TRIP13: variants seen among roughly 807,000 people sequenced by gnomAD.
The protein encoded by TRIP13 is thyroid hormone receptor interactor 13, also known as pachytene checkpoint protein 2 homolog.
Under a neutral mutation model 54.4 loss-of-function variants are expected in TRIP13, and 25 were observed. That is an observed-to-expected ratio of 0.46 (90% CI 0.33 to 0.64). The LOEUF is 0.64. TRIP13 is among the 30% of genes least tolerant of loss of function. TRIP13 has a pLI of 0.02. For missense variants in TRIP13, 373 were observed against 534.2 expected (o/e 0.70, Z 2.97); for synonymous variants, 207 against 207.8 (o/e 1.00, Z 0.03).
intron 1 of TRIP13, among the ~76,000 whole-genome samples, chr5:893,297 G>A (rs1334620551): frequency 6.6e-6 from 1 of 151,960 alleles, no homozygotes; most frequent in Non-Finnish European, 1.5e-5. Flanking sequence ...GCACTGACCC[G>A]GCCGACCCGA....
chr5:914,120 G>T (rs764671787), intron 10 of TRIP13, among the ~76,000 whole-genome samples: 2 of 152,168 alleles, frequency 1.3e-5, no homozygotes, highest in Non-Finnish European at 2.9e-5. Flanking sequence ...GTCTCCGAAG[G>T]TGGCATAACA....
At chr5:904,268 T>C in intron 6 of TRIP13, 48 bp downstream of exon 6, 1 of 1,488,356 alleles carries the variant, frequency 6.7e-7, no homozygotes, top group Non-Finnish European at 9.1e-7. Context: ...ATGGGATTTA[T>C]AACGGGAGGT....
Position 893,977 on chromosome 5 carries a change from G to A in TRIP13, c.93-810G>A, listed in dbSNP as rs185194076. ...TACAACCACACCTGGGCCCAGAGAC[G>A]CTAGGCATAATCACACCAGAGCACA... On this transcript the variant is annotated intron_variant, in intron 1 of 12. Transcript: ENST00000166345. 9.2e-5 allele frequency among the ~76,000 whole-genome samples: 14 copies of A among 152,244 alleles called. No individual in the cohort carries two copies. In the East Asian group the frequency reaches 2.3e-3, roughly 25 times the overall value.
At position 918,118 on chromosome 5, in the gene TRIP13, T is replaced by A. The variant is rs1408658188; in HGVS notation, c.*1015T>A. The A allele has an allele frequency of 6.6e-6, 1 of 152,226 alleles. No homozygotes were observed. Among genetic ancestry groups the A allele is most frequent in the Non-Finnish European group, 1.5e-5 (1 of 68,030 alleles). The allele number at this position is 152,226 out of a possible 1,614,324, so 9.4% of individuals were successfully genotyped here. On this transcript the variant is annotated 3_prime_UTR_variant, in exon 13 of 13. Coordinates refer to ENST00000166345, the MANE Select transcript of TRIP13 (RefSeq NM_004237.4). The surrounding 1 kb of genome is among the most constrained non-coding windows in gnomAD (Gnocchi z 4.3). ...ACTAAAAATTACTCACATGATTACT[T>A]AACTTTAAGCCTGATTTATGGTGTG...
chr5:900,642 GA>G (rs1404428410), intron 4 of TRIP13, 93 bp downstream of exon 4: 1 of 1,425,224 alleles, frequency 7.0e-7, no homozygotes, highest in African/African-American at 1.4e-5. Context: ...ACTTGATGCA[GA>G]TGGGTTTTTG....
chr5:895,047 A>G, intron 2 of TRIP13, 95 bp downstream of exon 2: 1 of 1,360,046 alleles, frequency 7.4e-7, no homozygotes, highest in Non-Finnish European at 9.9e-7. Flanking sequence ...GTTGTCAGAA[A>G]CAGGTTCACT....
At chr5:893,551 G>C (rs1753765218) in intron 1 of TRIP13, 2 of 190,150 alleles carry the variant, frequency 1.1e-5, no homozygotes. Context: ...TCACGGACTC[G>C]ATGTTAAATT....
Position 912,152 on chromosome 5 carries a change from G to T in TRIP13, c.1020+156G>T, listed in dbSNP as rs1754246836. On this transcript the variant is annotated intron_variant, in intron 10 of 12. Coordinates refer to ENST00000166345, the MANE Select transcript of TRIP13 (RefSeq NM_004237.4). This position sits in a 1 kb window ranked among gnomAD's most constrained non-coding sequence, Gnocchi z 7.2. The stretch of plus-strand genomic sequence containing the variant: ...TGAAAACTAGTTTTGTATGTGACAG[G>T]TTGAGCTGATAGTTGAAACTAGGGC... 6.6e-6 allele frequency among the ~76,000 whole-genome samples: 1 copy of T among 152,112 alleles called. No homozygotes were observed. Among genetic ancestry groups the T allele is most frequent in the Non-Finnish European group, 1.5e-5 (1 of 68,018 alleles).
rs138216752 is a variant in TRIP13, at chr5:914,557, T to G, written c.1113T>G (p.Leu371=). 4.3e-6 allele frequency: 7 copies of G among 1,613,224 alleles called. No individual in the cohort carries two copies. The highest frequency in any genetic ancestry group is 5.9e-6 in the Non-Finnish European group (7 of 1,179,690). Residue 371 remains leucine, a synonymous_variant, in exon 11 of 13, where the codon CTT becomes CTG. Coordinates refer to ENST00000166345, the MANE Select transcript of TRIP13 (RefSeq NM_004237.4). ...FIENNVSKLS[L]LLNDISRKSE... ...AAAACAACGTGTCAAAATTGAGCCTTCTTTTGAATGACATTTCAAGGTGCA... is the reference window on the plus strand; with the variant it reads ...AAAACAACGTGTCAAAATTGAGCCTGCTTTTGAATGACATTTCAAGGTGCA...
intron 1 of TRIP13, chr5:893,778 A>G (rs1236703507): frequency 6.5e-6 from 1 of 154,690 alleles, no homozygotes; most frequent in East Asian, 1.9e-4. Flanking sequence ...TTAACAGAAT[A>G]GCTGTTGACT....
chr5:900,661 C>T lies in TRIP13; in HGVS notation c.444+112C>T, dbSNP rs559800062. On this transcript the variant is annotated intron_variant, in intron 4 of 12. Transcript: ENST00000166345. ...GATGCAGATGGGTTTTTGGGAGCCC[C>T]TGTCTGCTGGCAGCCCTTGTCCTGG... 5.4e-6 allele frequency: 6 copies of T among 1,117,846 alleles called. No homozygotes were observed. In the Admixed American group the frequency reaches 1.0e-4, roughly 19 times the overall value. 69.2% of individuals were successfully genotyped at this position (1,117,846 alleles called of 1,614,324 possible).
At chr5:903,896 T>TG (rs1334319736) in intron 5 of TRIP13, among the ~76,000 whole-genome samples, 1 of 152,026 alleles carries the variant, frequency 6.6e-6, no homozygotes, top group Non-Finnish European at 1.5e-5. Flanking sequence ...GGAGCAGTGC[T>TG]GGGGGTGGGG....
In TRIP13 at chr5:894,961, C is replaced by T; in HGVS notation, c.258+9C>T. On this transcript the variant is annotated intron_variant, in intron 2 of 12. Transcript: ENST00000166345. Reference sequence around the variant, plus strand: ...AGGTTAAAGACTCACAGGTAAGTTACTAATTTGCTGGGCCAAGGAACAGTT... The same window carrying T: ...AGGTTAAAGACTCACAGGTAAGTTATTAATTTGCTGGGCCAAGGAACAGTT... 3 of 1,597,092 alleles carry T rather than the reference C, an allele frequency of 1.9e-6. No individual in the cohort carries two copies. The highest frequency in any genetic ancestry group is 2.6e-6 in the Non-Finnish European group (3 of 1,173,432).
intron 12 of TRIP13, 131 bp downstream of exon 12, chr5:916,104 C>T (rs1754335470): frequency 5.2e-6 from 5 of 964,144 alleles, no homozygotes; most frequent in South Asian, 2.9e-5. Context: ...GTCCTGGGGC[C>T]GGAGGAGGAG....
In TRIP13 at chr5:901,437, T is replaced by G; in HGVS notation, c.535+6T>G. ...CCGGGTGGTGCTGCTCCACGGTAAA[T>G]TATGCAGGCTTTTATTTGACCAGAT... On this transcript the variant is annotated splice_donor_region_variant and intron_variant, in intron 5 of 12. Transcript: ENST00000166345. 6.2e-7 allele frequency: 1 copy of G among 1,613,346 alleles called. No individual in the cohort carries two copies. The highest frequency in any genetic ancestry group is 2.2e-5 in the East Asian group (1 of 44,882).
At chr5:916,387 TCCC>T (rs1754341508) in intron 12 of TRIP13, among the ~76,000 whole-genome samples, 2 of 152,172 alleles carry the variant, frequency 1.3e-5, no homozygotes, top group South Asian at 4.1e-4. Flanking sequence ...CACTCACCCC[TCCC>T]CTGCACTGTC....
chr5:894,467 G>A (rs886189764), intron 1 of TRIP13, among the ~76,000 whole-genome samples: 1 of 152,190 alleles, frequency 6.6e-6, no homozygotes, highest in Non-Finnish European at 1.5e-5. Flanking sequence ...CAACATTATT[G>A]CGTGCTTACT....
chr5:903,166 T>A (rs1206939344), intron 5 of TRIP13, among the ~76,000 whole-genome samples: 1 of 152,068 alleles, frequency 6.6e-6, no homozygotes, highest in Non-Finnish European at 1.5e-5. Context: ...TTTCCCGGTC[T>A]GCTAAGTAGC....
intron 2 of TRIP13, among the ~76,000 whole-genome samples, chr5:895,626 G>T (rs1341388396): frequency 6.6e-6 from 1 of 152,172 alleles, no homozygotes; most frequent in African/African-American, 2.4e-5. Context: ...TCAGAGCTTT[G>T]TGCACACTGA....
Sources: gnomAD v4.1 joint callset for allele counts (sites outside exome capture counted in the v4.1 genomes callset) on GRCh38, gnomAD v4.1.1 for gene constraint, Gnocchi (gnomAD v3.1) non-coding constraint, MANE v1.5 for transcripts, NCBI Gene and HGNC (gene_info 2026-07-23, HGNC 2026-07-21) for gene names.